RUNX1T1: variants seen among roughly 807,000 people sequenced by gnomAD.
RUNX1T1 encodes RUNX1 partner transcriptional co-repressor 1.
Under a neutral mutation model 62.8 loss-of-function variants are expected in RUNX1T1, and 4 were observed. That is an observed-to-expected ratio of 0.06 (90% CI 0.03 to 0.15). The LOEUF (loss-of-function observed/expected upper bound fraction) is 0.15. RUNX1T1 is among the 10% of genes least tolerant of loss of function. RUNX1T1 has a pLI of 1.00. For missense variants in RUNX1T1, 508 were observed against 754.3 expected (o/e 0.67, Z 3.82); for synonymous variants, 291 against 286.0 (o/e 1.02, Z -0.18).
intron 1 of RUNX1T1, among the ~76,000 whole-genome samples, chr8:92,078,154 TTAAC>T (rs1407714999): frequency 6.6e-6 from 1 of 151,818 alleles, no homozygotes. Flanking sequence ...TTTTCACCAC[TTAAC>T]TATTTTATAT....
intron 1 of RUNX1T1, among the ~76,000 whole-genome samples, chr8:92,076,454 T>C (rs1211110138): frequency 6.6e-6 from 1 of 152,138 alleles, no homozygotes; most frequent in Admixed American, 6.5e-5. Flanking sequence ...GAATGTTACA[T>C]TTTACCTGTT....
intron 1 of RUNX1T1, among the ~76,000 whole-genome samples, chr8:92,081,610 G>C (rs1185368854): frequency 6.9e-6 from 1 of 145,962 alleles, no homozygotes; most frequent in Non-Finnish European, 1.5e-5. Flanking sequence ...GACAGAACCA[G>C]AATCATTTAC....
chr8:92,025,124 T>G (rs1026424510), intron 1 of RUNX1T1, among the ~76,000 whole-genome samples: 1 of 152,174 alleles, frequency 6.6e-6, no homozygotes, highest in Non-Finnish European at 1.5e-5. Flanking sequence ...CTGAATCATC[T>G]ACCATCTCTT....
intron 2 of RUNX1T1, among the ~76,000 whole-genome samples, chr8:92,068,303 C>A (rs926326141): frequency 6.6e-6 from 1 of 152,120 alleles, no homozygotes; most frequent in Non-Finnish European, 1.5e-5. Context: ...ATATAGAAAA[C>A]CTTTGTTTCA....
intron 2 of RUNX1T1, among the ~76,000 whole-genome samples, chr8:92,068,639 C>G (rs926301161): frequency 6.6e-5 from 10 of 152,130 alleles, no homozygotes; most frequent in Non-Finnish European, 1.3e-4. Flanking sequence ...CTCCAAATCC[C>G]TTGCATATGG....
At chr8:92,037,674 C>T (rs979588325) in intron 1 of RUNX1T1, among the ~76,000 whole-genome samples, 2 of 151,674 alleles carry the variant, frequency 1.3e-5, no homozygotes, top group East Asian at 3.9e-4. Context: ...GGGAATCCAT[C>T]TCAAAAAAAA....
In RUNX1T1 at chr8:92,039,090, T is replaced by C. The variant is rs79446398; in HGVS notation, c.8-21727A>G. Among the ~76,000 whole-genome samples the C allele has an allele frequency of 7.8e-3, 1,183 of 152,134 alleles. 10 individuals are homozygous for C. Among genetic ancestry groups the C allele is most frequent in the African/African-American group, 0.026 (1,089 of 41,494 alleles). ...AAAAAGTTCCAACAAAAGGACAAAG[T>C]TACCTGCTACTTTCCTTCCAGGTGG... On this transcript the variant is annotated intron_variant, in intron 1 of 10. Coordinates refer to ENST00000396218, the Ensembl canonical transcript of RUNX1T1.
At chr8:92,048,988 T>G (rs191740845) in intron 1 of RUNX1T1, among the ~76,000 whole-genome samples, 1 of 152,340 alleles carries the variant, frequency 6.6e-6, no homozygotes, top group African/African-American at 2.4e-5. Flanking sequence ...CTCTGTATCA[T>G]GCAGGTCTCT....
At chr8:91,967,123 C>T (rs1811796393) in intron 10 of RUNX1T1, among the ~76,000 whole-genome samples, 3 of 152,080 alleles carry the variant, frequency 2.0e-5, no homozygotes, top group South Asian at 2.1e-4. Flanking sequence ...TTGTCAGAGC[C>T]GATGTGAGAA....
At chr8:92,098,872 C>T (rs1837910656) in intron 1 of RUNX1T1, among the ~76,000 whole-genome samples, 1 of 152,152 alleles carries the variant, frequency 6.6e-6, no homozygotes, top group Non-Finnish European at 1.5e-5. Context: ...AGATAACCTG[C>T]TCTGTCTTAT....
At chr8:92,054,800 C>A (rs1830773351) in intron 1 of RUNX1T1, among the ~76,000 whole-genome samples, 1 of 152,182 alleles carries the variant, frequency 6.6e-6, no homozygotes, top group South Asian at 2.1e-4. Context: ...CTGAGACCAT[C>A]CTGGCCAACA....
chr8:92,016,420 T>C (rs1204268893), intron 2 of RUNX1T1, among the ~76,000 whole-genome samples: 2 of 152,142 alleles, frequency 1.3e-5, no homozygotes, highest in African/African-American at 2.4e-5. Context: ...CTCACGCCTG[T>C]AATCCCAGCA....
intron 1 of RUNX1T1, among the ~76,000 whole-genome samples, chr8:92,080,974 C>T (rs1835161341): frequency 6.6e-6 from 1 of 152,202 alleles, no homozygotes; most frequent in Non-Finnish European, 1.5e-5. Flanking sequence ...TAAATATCTT[C>T]TCTGTTGCAG....
rs185654036 is a variant in RUNX1T1, at chr8:92,051,300, A to G, written c.7+11246T>C. Among the ~76,000 whole-genome samples, 698 of 152,218 alleles carry G rather than the reference A, an allele frequency of 4.6e-3. 6 individuals are homozygous for G. The highest frequency in any genetic ancestry group is 7.9e-3 in the Non-Finnish European group (536 of 68,014). ...CTCTAGGTGCCATGGAGACACAAAC[A>G]TAATTAGGTACCAGCCCAACCCTCG... On this transcript the variant is annotated intron_variant, in intron 1 of 10. Transcript: ENST00000396218.
At chr8:92,023,495 C>A (rs1166892456) in intron 1 of RUNX1T1, among the ~76,000 whole-genome samples, 4 of 152,180 alleles carry the variant, frequency 2.6e-5, no homozygotes, top group African/African-American at 9.7e-5. Context: ...GTCCATTTTT[C>A]TCCCATAAAC....
chr8:92,074,022 T>C (rs898080076), intron 2 of RUNX1T1, among the ~76,000 whole-genome samples: 1 of 152,016 alleles, frequency 6.6e-6, no homozygotes, highest in African/African-American at 2.4e-5. Context: ...TAATGCCACA[T>C]GGAAAACAAA....
intron 1 of RUNX1T1, among the ~76,000 whole-genome samples, chr8:92,046,801 T>C (rs758822682): frequency 1.3e-5 from 2 of 152,162 alleles, no homozygotes; most frequent in African/African-American, 2.4e-5. Flanking sequence ...CATGCAGCCT[T>C]GACTAGCACT....
chr8:92,003,676 A>T (rs1242119081), intron 5 of RUNX1T1, among the ~76,000 whole-genome samples: 1 of 152,198 alleles, frequency 6.6e-6, no homozygotes, highest in Admixed American at 6.5e-5. Flanking sequence ...AAATCAGTTC[A>T]GGTCAAACAG....
intron 1 of RUNX1T1, among the ~76,000 whole-genome samples, chr8:92,040,277 T>C (rs1238119325): frequency 1.3e-5 from 2 of 152,218 alleles, no homozygotes; most frequent in African/African-American, 4.8e-5. Context: ...TTGGGCTCTA[T>C]TTTACATACA....
Sources: gnomAD v4.1 joint callset for allele counts (sites outside exome capture counted in the v4.1 genomes callset) on GRCh38, gnomAD v4.1.1 for gene constraint, MANE v1.5 for transcripts, NCBI Gene and HGNC (gene_info 2026-07-23, HGNC 2026-07-21) for gene names.